The following FAT2 variants were observed in gnomAD, a reference collection of about 807,000 sequenced individuals.
The protein encoded by FAT2 is protocadherin Fat 2.
In FAT2, 150 loss-of-function variants were observed where a neutral mutation model predicts 295.3. The observed-to-expected ratio is 0.51, with a 90% CI of 0.44 to 0.58. The LOEUF (loss-of-function observed/expected upper bound fraction) is 0.58, where lower values mean the gene tolerates loss of function less well. FAT2 is among the 20% of genes least tolerant of loss of function. The probability of loss-of-function intolerance (pLI) is 0.00; values close to 1 mark genes in which losing one functional copy is unlikely to be tolerated. For missense variants in FAT2, 4,868 were observed against 5,442.7 expected, an observed-to-expected ratio of 0.89 and a Z score of 3.32; for synonymous variants, 2,026 against 2,150.3, an observed-to-expected ratio of 0.94 and a Z score of 1.60.
At chr5:151,517,924 C>CACACG (rs1753030393) in intron 19 of FAT2, among the ~76,000 whole-genome samples, 159 bp from the exon 20 acceptor site, 1 of 152,204 alleles carries the variant, frequency 6.6e-6, no homozygotes, top group Non-Finnish European at 1.5e-5. Flanking sequence ...CCATACCTTT[C>CACACG]TAGCCTCACA....
chr5:151,561,558 T>G (rs1216453788), intron 3 of FAT2, among the ~76,000 whole-genome samples: 2 of 152,238 alleles, frequency 1.3e-5, no homozygotes, highest in Non-Finnish European at 2.9e-5. Context: ...ACCAGGCTAA[T>G]TTTTGTATGT....
intron 1 of FAT2, among the ~76,000 whole-genome samples, chr5:151,579,348 G>A (rs367592116): frequency 6.6e-6 from 1 of 152,174 alleles, no homozygotes; most frequent in South Asian, 2.1e-4. Context: ...AAGGCAGGAG[G>A]ATTGCTTGAA....
intron 1 of FAT2, among the ~76,000 whole-genome samples, chr5:151,583,214 T>C (rs1330333817): frequency 6.6e-6 from 1 of 152,184 alleles, no homozygotes; most frequent in Non-Finnish European, 1.5e-5. Context: ...AACATAAGTG[T>C]GAACATATGT....
At position 151,506,099 on chromosome 5, in the gene FAT2, T is replaced by C. The variant is rs750941139; in HGVS notation, c.12518-2A>G. 1.1e-5 allele frequency: 16 copies of C among 1,509,550 alleles called. No homozygotes were observed. The highest frequency in any genetic ancestry group is 1.4e-5 in the Non-Finnish European group (16 of 1,139,282). The allele number at this position is 1,509,550 out of a possible 1,614,324, so 93.5% of individuals were successfully genotyped here. A position where few individuals can be genotyped will look rare whatever the true frequency, so the allele number is the denominator to read the frequency against. On this transcript the variant is annotated splice_acceptor_variant, in intron 23 of 23. Transcript: ENST00000261800. LOFTEE classifies it high-confidence loss of function. Reference sequence around the variant, plus strand: ...AGACCATGGCTCCGCCAGGGTACACTGAAAGGGAACAGCAAGATAGGGTGA... The same window carrying C: ...AGACCATGGCTCCGCCAGGGTACACCGAAAGGGAACAGCAAGATAGGGTGA...
At position 151,567,805 on chromosome 5, in the gene FAT2, G is replaced by A; in HGVS notation, c.1127C>T (p.Pro376Leu). 6.2e-7 allele frequency: 1 copy of A among 1,614,184 alleles called. No individual in the cohort carries two copies. Among genetic ancestry groups the A allele is most frequent in the Non-Finnish European group, 8.5e-7 (1 of 1,180,032 alleles). The change falls in exon 2 of 24, where the codon CCT becomes CTT. Residue 376 changes from proline to leucine, a missense_variant. Coordinates refer to ENST00000261800, the MANE Select transcript of FAT2 (RefSeq NM_001447.3). ...VYRVQLSEFSPPGSRVVMVRV... is the reference protein window; with the variant it reads ...VYRVQLSEFSLPGSRVVMVRV... Reference sequence around the variant, plus strand: ...CACCATCACCACGCGGCTGCCAGGAGGGGAAAACTCACTAAGCTGCACTCT... The same window carrying A: ...CACCATCACCACGCGGCTGCCAGGAAGGGAAAACTCACTAAGCTGCACTCT...
At chr5:151,557,345 A>G (rs991158695) in intron 3 of FAT2, among the ~76,000 whole-genome samples, 1 of 151,926 alleles carries the variant, frequency 6.6e-6, no homozygotes, top group Non-Finnish European at 1.5e-5. Flanking sequence ...GGTGAGGCTG[A>G]CCCGCCTGGG....
chr5:151,528,278 C>A, intron 15 of FAT2, 145 bp from the exon 16 acceptor site: 1 of 887,252 alleles, frequency 1.1e-6, no homozygotes. Context: ...AAAGTAATCT[C>A]TTCACTTACA....
intron 13 of FAT2, 147 bp downstream of exon 13, chr5:151,534,262 A>G (rs1754989949): frequency 5.1e-6 from 3 of 586,150 alleles, no homozygotes; most frequent in Admixed American, 6.4e-5. Context: ...CAGTTTGAGG[A>G]TAAATACTTT....
In FAT2 at chr5:151,568,052, C is replaced by A; in HGVS notation, c.880G>T (p.Gly294Cys). 6.2e-7 allele frequency: 1 copy of A among 1,614,156 alleles called. No homozygotes were observed. Among genetic ancestry groups the A allele is most frequent in the African/African-American group, 1.3e-5 (1 of 75,030 alleles). ...GCTTTGAAGTGCTTTCCAGGGTCAC[C>A]ACCAACAACTTCCACTGACTCCACT... ...AEVESVEVVG[G>C]DPGKHFKAIK... Residue 294 changes from glycine (G) to cysteine (C), a missense_variant, in exon 2 of 24, where the codon GGT becomes TGT. Around this residue, in one of 5 missense-constraint regions of FAT2, gnomAD observed 3,297 missense variants for 3,669.4 expected, o/e 0.90. Transcript: ENST00000261800.
At chr5:151,573,572 T>C (rs961123798) in intron 1 of FAT2, among the ~76,000 whole-genome samples, 1 of 152,206 alleles carries the variant, frequency 6.6e-6, no homozygotes, top group Admixed American at 6.5e-5. Context: ...GAGAATCGCT[T>C]GAACCAGGGA....
intron 16 of FAT2, 84 bp from the exon 17 acceptor site, chr5:151,527,461 A>G: frequency 7.4e-7 from 1 of 1,359,274 alleles, no homozygotes; most frequent in Non-Finnish European, 9.8e-7. Flanking sequence ...ATATTTTCAA[A>G]AAAAATAAGA....
intron 3 of FAT2, among the ~76,000 whole-genome samples, chr5:151,557,659 A>C (rs919067904): frequency 6.6e-6 from 1 of 152,192 alleles, no homozygotes; most frequent in Non-Finnish European, 1.5e-5. Flanking sequence ...CTGCAGCCAT[A>C]CTATGTTTGG....
Position 151,568,569 on chromosome 5 carries a change from G to A in FAT2, c.363C>T (p.Ala121=), listed in dbSNP as rs1758390918. The A allele has an allele frequency of 1.9e-6, 3 of 1,614,178 alleles. No individual in the cohort carries two copies. In the Admixed American group the frequency reaches 5.0e-5, roughly 27 times the overall value. ...CTTCCAACTCCAAGGTCTTCTCTGT[G>A]GCTTGGATGATGAGGGTGTAGCTGT... ...VRDSYTLIIQ[A]TEKTLELEAL... The change falls in exon 2 of 24, where the codon GCC becomes GCT. Residue 121 remains alanine, a synonymous_variant. Transcript: ENST00000261800.
chr5:151,556,408 A>G lies in FAT2; in HGVS notation c.3575-6T>C. On this transcript the variant is annotated splice_region_variant and splice_polypyrimidine_tract_variant and intron_variant, in intron 3 of 23. Coordinates refer to ENST00000261800, the MANE Select transcript of FAT2 (RefSeq NM_001447.3). ...CTGGGCTGTAGATAGGAGACCTGAG[A>G]GAGAGATGATAAGGGAGAGACATGA... is the stretch of plus-strand genomic sequence containing the variant. 1 of 1,612,312 alleles carries G rather than the reference A, an allele frequency of 6.2e-7. No homozygotes were observed. The highest frequency in any genetic ancestry group is 8.5e-7 in the Non-Finnish European group (1 of 1,178,834).
At chr5:151,591,518 T>G (rs1192583069), upstream of FAT2, among the ~76,000 whole-genome samples, 1 of 152,066 alleles carries the variant, frequency 6.6e-6, no homozygotes, top group Non-Finnish European at 1.5e-5. Flanking sequence ...CATCTCCACC[T>G]CCCTTCTTGG....
chr5:151,524,436 C>T (rs1263144033), intron 18 of FAT2, among the ~76,000 whole-genome samples: 2 of 80,366 alleles, frequency 2.5e-5, no homozygotes, highest in African/African-American at 7.5e-5. Flanking sequence ...ATGAGAAGGG[C>T]CATGTGATAC....
chr5:151,573,252 TGCACA>T (rs1758607458), intron 1 of FAT2, among the ~76,000 whole-genome samples: 1 of 152,230 alleles, frequency 6.6e-6, no homozygotes, highest in South Asian at 2.1e-4. Context: ...AGTTAGTTAA[TGCACA>T]TAAGTGCCGA....
intron 11 of FAT2, among the ~76,000 whole-genome samples, chr5:151,538,843 ATTT>A (rs535453451): frequency 2.1e-5 from 3 of 143,892 alleles, no homozygotes; most frequent in South Asian, 2.2e-4. Context: ...CACCTGGCTA[ATTT>A]TTTTTTTTTT....
chr5:151,575,723 T>C (rs1758720594), intron 1 of FAT2, among the ~76,000 whole-genome samples: 1 of 152,168 alleles, frequency 6.6e-6, no homozygotes, highest in Admixed American at 6.5e-5. Context: ...AGAATAAGGA[T>C]CCATATTCTA....
Sources: allele counts gnomAD v4.1 joint callset (sites outside exome capture counted in the v4.1 genomes callset), GRCh38; gene constraint gnomAD v4.1.1; regional missense constraint gnomAD v4.1.1; transcripts MANE v1.5; gene names NCBI Gene and HGNC (gene_info 2026-07-23, HGNC 2026-07-21).